The following RBFOX3 variants were observed in gnomAD, a reference collection of about 807,000 sequenced individuals.
RBFOX3 encodes the protein RNA binding protein fox-1 homolog 3.
Under a neutral mutation model 48.7 loss-of-function variants are expected in RBFOX3, and 17 were observed. The ratio of observed to expected loss-of-function variants is 0.35; its 90% confidence interval spans 0.24 to 0.52. The LOEUF (loss-of-function observed/expected upper bound fraction) is 0.52, where lower values mean the gene tolerates loss of function less well. Ranked by LOEUF, RBFOX3 falls within the 20% of genes least tolerant of loss-of-function variation. The pLI is 0.94. For missense variants in RBFOX3, 382 were observed against 497.5 expected (o/e 0.77, Z 2.21); for synonymous variants, 212 against 209.5 (o/e 1.01, Z -0.10).
chr17:79,319,950 AGGCTGCTGGTCTTGTCCG>A (rs1170266959), intron 2 of RBFOX3, among the ~76,000 whole-genome samples: 37 of 73,348 alleles, frequency 5.0e-4, no homozygotes, highest in Non-Finnish European at 9.0e-4. Context: ...GGTCTTGTCC[AGGCTGCTGGTCTTGTCCG>A]GGCTGCTGGT....
At chr17:79,620,511 A>ACG in the RBFOX3 span, among the ~76,000 whole-genome samples, 5 of 148,296 alleles carry the variant, frequency 3.4e-5, 1 homozygote, top group African/African-American at 1.3e-4. Flanking sequence ...ACACATGCGC[A>ACG]TACGTGCACA....
chr17:79,276,772 C>A (rs1007134888), intron 3 of RBFOX3, among the ~76,000 whole-genome samples: 3 of 152,174 alleles, frequency 2.0e-5, no homozygotes, highest in Admixed American at 6.5e-5. Context: ...GCTGCACCGG[C>A]CAGGCATGTT....
intron 2 of RBFOX3, among the ~76,000 whole-genome samples, chr17:79,415,732 C>T (rs2065243177): frequency 6.6e-6 from 1 of 152,168 alleles, no homozygotes; most frequent in Non-Finnish European, 1.5e-5. Context: ...CCCTGCCTGA[C>T]GTTTAGGTGA....
At chr17:79,406,546 C>T (rs1353518950) in intron 2 of RBFOX3, among the ~76,000 whole-genome samples, 1 of 152,122 alleles carries the variant, frequency 6.6e-6, no homozygotes, top group Non-Finnish European at 1.5e-5. Context: ...CTTCTAATTG[C>T]CGGGAATTGT....
intron 2 of RBFOX3, among the ~76,000 whole-genome samples, chr17:79,309,613 G>A (rs1463964166): frequency 6.6e-6 from 1 of 152,164 alleles, no homozygotes; most frequent in Non-Finnish European, 1.5e-5. Flanking sequence ...CTCATGGCCT[G>A]TCGCATCATA....
the RBFOX3 span, among the ~76,000 whole-genome samples, chr17:79,633,063 C>T: frequency 6.6e-6 from 1 of 152,264 alleles, no homozygotes; most frequent in Non-Finnish European, 1.5e-5. Context: ...AGACCATCCA[C>T]GAAGTTCCTC....
At chr17:79,630,581 T>C in the RBFOX3 span, among the ~76,000 whole-genome samples, 1 of 152,146 alleles carries the variant, frequency 6.6e-6, no homozygotes, top group Non-Finnish European at 1.5e-5. Flanking sequence ...AAATGGCCCA[T>C]TGCAGACACA....
chr17:79,595,559 G>A (rs1043664194), intron 1 of RBFOX3, among the ~76,000 whole-genome samples: 1 of 152,190 alleles, frequency 6.6e-6, no homozygotes, highest in South Asian at 2.1e-4. Flanking sequence ...GTATGAATAG[G>A]CCATTCTCTC....
chr17:79,612,548 T>A (rs980606735), upstream of RBFOX3, among the ~76,000 whole-genome samples: 12 of 152,180 alleles, frequency 7.9e-5, no homozygotes, highest in Non-Finnish European at 1.0e-4. Flanking sequence ...ATGCTTTTAA[T>A]TTCTGGCCCT....
chr17:79,210,810 G>C (rs1028666971), intron 4 of RBFOX3, among the ~76,000 whole-genome samples: 3 of 152,164 alleles, frequency 2.0e-5, no homozygotes, highest in Non-Finnish European at 4.4e-5. Flanking sequence ...CAAACACAAT[G>C]AGGGTGCCGA....
intron 2 of RBFOX3, among the ~76,000 whole-genome samples, chr17:79,317,562 C>T (rs1385757640): frequency 6.6e-6 from 1 of 152,214 alleles, no homozygotes; most frequent in Non-Finnish European, 1.5e-5. Context: ...CACCGATGCC[C>T]GTGGCAGGGC....
chr17:79,343,010 G>T (rs1380333486), intron 2 of RBFOX3, among the ~76,000 whole-genome samples: 1 of 151,938 alleles, frequency 6.6e-6, no homozygotes. Context: ...GAGAAACCTG[G>T]TAATGCTATA....
At chr17:79,562,434 T>G (rs1422729056) in intron 1 of RBFOX3, among the ~76,000 whole-genome samples, 5 of 152,250 alleles carry the variant, frequency 3.3e-5, no homozygotes, top group African/African-American at 1.2e-4. Flanking sequence ...TGCTAGAGAT[T>G]AGATTGCATC....
chr17:79,463,117 T>TGCCATCGCCACC (rs1279349418), intron 2 of RBFOX3, among the ~76,000 whole-genome samples: 1 of 111,372 alleles, frequency 9.0e-6, no homozygotes, highest in African/African-American at 3.5e-5. Flanking sequence ...CCATCGCCAC[T>TGCCATCGCCACC]GCCATCGCCA....
chr17:79,540,905 C>T (rs782189741), intron 1 of RBFOX3, among the ~76,000 whole-genome samples: 3 of 152,182 alleles, frequency 2.0e-5, no homozygotes, highest in Non-Finnish European at 2.9e-5. Flanking sequence ...GCCAGAGACA[C>T]GGGGCCACTA....
rs533438548 is a variant in RBFOX3, at chr17:79,153,795, G to A, written c.-33-38047C>T. Among the ~76,000 whole-genome samples the A allele has an allele frequency of 5.3e-5, 8 of 152,214 alleles. No individual in the cohort carries two copies. In the East Asian group the frequency reaches 7.7e-4, roughly 15 times the overall value. Reference sequence around the variant, plus strand: ...GGCAATGGGCTTTCTACCCGGCTGGGACCATGGATGTTGATATTTGGCACC... The same window carrying A: ...GGCAATGGGCTTTCTACCCGGCTGGAACCATGGATGTTGATATTTGGCACC... On this transcript the variant is annotated intron_variant, in intron 4 of 14. Coordinates refer to ENST00000693108, the MANE Select transcript of RBFOX3 (RefSeq NM_001350451.2).
chr17:79,148,614 G>C (rs2043586186), intron 4 of RBFOX3, among the ~76,000 whole-genome samples: 1 of 152,248 alleles, frequency 6.6e-6, no homozygotes, highest in Non-Finnish European at 1.5e-5. Context: ...GCTAACAGTA[G>C]TTGGGGCCAC....
intron 4 of RBFOX3, among the ~76,000 whole-genome samples, chr17:79,227,501 G>A (rs779629392): frequency 2.6e-5 from 4 of 152,230 alleles, no homozygotes; most frequent in Non-Finnish European, 4.4e-5. Flanking sequence ...TGTGCTCACT[G>A]CACAGGAGAT....
chr17:79,469,149 A>C (rs1424755449), intron 2 of RBFOX3, among the ~76,000 whole-genome samples: 1 of 151,252 alleles, frequency 6.6e-6, no homozygotes, highest in African/African-American at 2.4e-5. Context: ...TAGGGAAAAA[A>C]CCCCTATATT....
Sources: allele counts gnomAD v4.1 joint callset (sites outside exome capture counted in the v4.1 genomes callset), GRCh38; gene constraint gnomAD v4.1.1; transcripts MANE v1.5; gene names NCBI Gene and HGNC (gene_info 2026-07-23, HGNC 2026-07-21).